CSMD1: variants seen among roughly 807,000 people sequenced by gnomAD.
The protein encoded by CSMD1 is CUB and sushi domain-containing protein 1.
In CSMD1, 213 loss-of-function variants were observed where a neutral mutation model predicts 417.5. The ratio of observed to expected loss-of-function variants is 0.51; its 90% confidence interval spans 0.46 to 0.57. The LOEUF is 0.57. Among genes scored for constraint, CSMD1 ranks in the 20% least tolerant of loss-of-function variants. CSMD1 has a pLI of 0.00. For synonymous variants in CSMD1, 2,862 were observed against 1,736.8 expected (o/e 1.65, Z -16.11); for missense variants, 6,923 against 4,529.7 (o/e 1.53, Z -15.17).
chr8:3,053,199 T>C (rs1251228338), intron 49 of CSMD1, among the ~76,000 whole-genome samples: 1 of 152,162 alleles, frequency 6.6e-6, no homozygotes, highest in Non-Finnish European at 1.5e-5. Context: ...CATAATTATT[T>C]TTCTGGAAGA....
chr8:3,599,172 T>G lies in CSMD1; in HGVS notation c.1098-12912A>C, dbSNP rs1465945164. ...GTGTCTGTGTGTGTGTCTGTGTGTG[T>G]GTGTGTGTGAGATGAGGGATACTGT... On this transcript the variant is annotated intron_variant, in intron 8 of 69. Coordinates refer to ENST00000635120, the MANE Select transcript of CSMD1 (RefSeq NM_033225.6). 2.0e-5 allele frequency among the ~76,000 whole-genome samples: 3 copies of G among 150,606 alleles called. No homozygotes were observed. In the East Asian group the frequency reaches 5.9e-4, roughly 30 times the overall value.
chr8:4,982,118 C>T (rs1427621212), intron 1 of CSMD1, among the ~76,000 whole-genome samples: 1 of 152,196 alleles, frequency 6.6e-6, no homozygotes, highest in Non-Finnish European at 1.5e-5. Flanking sequence ...GAAGTCCCAG[C>T]CAACACTTGA....
chr8:4,086,241 C>T (rs377372221), intron 3 of CSMD1, among the ~76,000 whole-genome samples: 17 of 151,996 alleles, frequency 1.1e-4, no homozygotes, highest in Admixed American at 9.2e-4. Context: ...TCTTCATGAA[C>T]AAAGACAAAT....
intron 1 of CSMD1, among the ~76,000 whole-genome samples, chr8:4,873,365 G>A (rs754344784): frequency 2.0e-5 from 3 of 152,162 alleles, no homozygotes; most frequent in African/African-American, 2.4e-5. Context: ...AACATGACAC[G>A]CAGATCAGCG....
intron 3 of CSMD1, among the ~76,000 whole-genome samples, chr8:4,382,991 C>CGTCTG (rs1177551991): frequency 6.6e-6 from 1 of 152,174 alleles, no homozygotes; most frequent in Admixed American, 6.5e-5. Context: ...GTCGCACCAT[C>CGTCTG]GTCTGTATAT....
At chr8:3,604,310 C>T (rs980816880) in intron 8 of CSMD1, among the ~76,000 whole-genome samples, 1 of 151,996 alleles carries the variant, frequency 6.6e-6, no homozygotes, top group African/African-American at 2.4e-5. Flanking sequence ...GGGGGGGGAC[C>T]AAAGGTCCAT....
intron 3 of CSMD1, among the ~76,000 whole-genome samples, chr8:4,144,658 G>A (rs1345487012): frequency 1.3e-5 from 2 of 150,982 alleles, no homozygotes; most frequent in Admixed American, 6.6e-5. Flanking sequence ...GAGATAATCA[G>A]CAGGACCTCT....
intron 3 of CSMD1, among the ~76,000 whole-genome samples, chr8:4,248,996 G>C (rs1328318106): frequency 1.3e-5 from 2 of 152,028 alleles, no homozygotes; most frequent in Non-Finnish European, 2.9e-5. Flanking sequence ...ACAAACACTA[G>C]ACCATGTATT....
intron 5 of CSMD1, among the ~76,000 whole-genome samples, chr8:3,984,861 T>C (rs1392446842): frequency 2.0e-5 from 3 of 150,066 alleles, no homozygotes; most frequent in Non-Finnish European, 4.4e-5. Context: ...AAGCCAGAAA[T>C]GAAGAGAAAG....
chr8:3,290,087 CT>C (rs1329325868), intron 25 of CSMD1, among the ~76,000 whole-genome samples: 1 of 147,000 alleles, frequency 6.8e-6, no homozygotes, highest in Non-Finnish European at 1.5e-5. Context: ...ATAGGGAATG[CT>C]TTCCCCATTG....
intron 10 of CSMD1, among the ~76,000 whole-genome samples, chr8:3,564,499 G>A (rs933973785): frequency 7.7e-6 from 1 of 130,138 alleles, no homozygotes; most frequent in South Asian, 2.5e-4. Context: ...TCTTAGAAAT[G>A]CTGGCTCCAC....
intron 5 of CSMD1, among the ~76,000 whole-genome samples, chr8:3,816,955 A>T (rs1296705403): frequency 6.6e-6 from 1 of 152,164 alleles, no homozygotes; most frequent in Non-Finnish European, 1.5e-5. Context: ...ATCAAGAGAA[A>T]GATAAACCAA....
chr8:3,616,110 A>G (rs981652449), intron 8 of CSMD1, among the ~76,000 whole-genome samples: 2 of 152,170 alleles, frequency 1.3e-5, no homozygotes, highest in Non-Finnish European at 2.9e-5. Context: ...TTTACCTTCT[A>G]TCTTTAAACA....
intron 68 of CSMD1, among the ~76,000 whole-genome samples, chr8:2,946,524 G>A (rs969976499): frequency 6.6e-6 from 1 of 152,044 alleles, no homozygotes; most frequent in African/African-American, 2.4e-5. Flanking sequence ...CCTTCACTTG[G>A]CATGACGTTT....
chr8:4,769,473 C>T (rs1796495614), intron 1 of CSMD1, among the ~76,000 whole-genome samples: 1 of 151,926 alleles, frequency 6.6e-6, no homozygotes, highest in South Asian at 2.1e-4. Flanking sequence ...AAGATAAATA[C>T]CTATGTATTA....
chr8:3,108,635 G>C lies in CSMD1; in HGVS notation c.6722C>G (p.Ser2241Ter). The C allele has an allele frequency of 6.2e-7, 1 of 1,613,790 alleles. No homozygotes were observed. The highest frequency in any genetic ancestry group is 8.5e-7 in the Non-Finnish European group (1 of 1,179,838). Residue 2241 changes from serine to a stop codon, truncating the protein, a stop_gained, in exon 44 of 70, where the codon TCA becomes TGA. Coordinates refer to ENST00000635120, the MANE Select transcript of CSMD1 (RefSeq NM_033225.6). LOFTEE classifies it high-confidence loss of function. Reference protein sequence around the residue: ...QVLLKFHSDFSNGGFFVLNFH... With the variant: ...QVLLKFHSDF The stretch of plus-strand genomic sequence containing the variant: ...ATTGAGGACAAAGAAGCCTCCATTT[G>C]AAAAGTCGCTGTGGAACTTGAGCAG...
At chr8:3,501,513 G>A (rs544160198) in intron 10 of CSMD1, among the ~76,000 whole-genome samples, 1 of 152,090 alleles carries the variant, frequency 6.6e-6, no homozygotes, top group African/African-American at 2.4e-5. Context: ...CCTACATCTT[G>A]GAATAAGATA....
At chr8:4,799,075 G>A (rs1220213297) in intron 1 of CSMD1, among the ~76,000 whole-genome samples, 1 of 152,158 alleles carries the variant, frequency 6.6e-6, no homozygotes, top group Non-Finnish European at 1.5e-5. Flanking sequence ...GGCTTGCATT[G>A]GCCGACCCTG....
chr8:4,965,107 G>C (rs538101697), intron 1 of CSMD1, among the ~76,000 whole-genome samples: 18 of 152,296 alleles, frequency 1.2e-4, no homozygotes. Context: ...CTTATGTAAT[G>C]TGAATATGCA....
Sources: allele counts gnomAD v4.1 joint callset (sites outside exome capture counted in the v4.1 genomes callset), GRCh38; gene constraint gnomAD v4.1.1; transcripts MANE v1.5; gene names NCBI Gene and HGNC (gene_info 2026-07-23, HGNC 2026-07-21).